Variants in JMJD1C observed in about 807,000 individuals in gnomAD.
The protein encoded by JMJD1C is jumonji domain-containing protein 1C.
JMJD1C carries 31 observed loss-of-function variants against 245.3 expected under a neutral mutation model. The observed-to-expected ratio is 0.13, with a 90% CI of 0.09 to 0.17. The LOEUF is 0.17. JMJD1C is among the 10% of genes least tolerant of loss of function. The pLI is 1.00. For missense variants in JMJD1C, 2,691 were observed against 3,000.2 expected, an observed-to-expected ratio of 0.90 and a Z score of 2.41; for synonymous variants, 1,057 against 1,017.4, an observed-to-expected ratio of 1.04 and a Z score of -0.74.
At chr10:63,375,534 A>ATG (rs1946665390) in intron 2 of JMJD1C, among the ~76,000 whole-genome samples, 1 of 57,060 alleles carries the variant, frequency 1.8e-5, no homozygotes, top group Non-Finnish European at 4.0e-5. Flanking sequence ...TAATATTTAC[A>ATG]CGTGTGTGTG....
chr10:63,248,521 A>AATAGATAGATAGATAG (rs141160908), intron 3 of JMJD1C, among the ~76,000 whole-genome samples: 150 of 134,592 alleles, frequency 1.1e-3, no homozygotes, highest in Middle Eastern at 0.011. Flanking sequence ...ACCTCATCTC[A>AATAGATAGATAGATAG]ATAGATAGAT....
At chr10:63,227,349 T>C (rs766947042) in intron 3 of JMJD1C, among the ~76,000 whole-genome samples, 60 of 152,280 alleles carry the variant, frequency 3.9e-4, no homozygotes, top group African/African-American at 1.2e-3. Context: ...ATGTCACACA[T>C]AGTCTCATTT....
chr10:63,501,024 AAT>A (rs200381189), intron 1 of JMJD1C, among the ~76,000 whole-genome samples: 1 of 518 alleles, frequency 1.9e-3, no homozygotes, highest in East Asian at 0.05. Context: ...CATAATTCCC[AAT>A]TCCTATGGAT....
intron 3 of JMJD1C, among the ~76,000 whole-genome samples, chr10:63,228,872 C>T (rs1326631020): frequency 6.6e-6 from 1 of 152,076 alleles, no homozygotes; most frequent in Non-Finnish European, 1.5e-5. Context: ...CTGGACAATG[C>T]TTAGCCTTCC....
intron 1 of JMJD1C, among the ~76,000 whole-genome samples, chr10:63,422,612 C>T (rs1950187707): frequency 6.6e-6 from 1 of 152,184 alleles, no homozygotes; most frequent in African/African-American, 2.4e-5. Context: ...TGTAGACCCA[C>T]TCAATGAACA....
At chr10:63,174,044 A>G (rs1842645640) in intron 24 of JMJD1C, among the ~76,000 whole-genome samples, 1 of 152,196 alleles carries the variant, frequency 6.6e-6, no homozygotes, top group Non-Finnish European at 1.5e-5. Context: ...AGTAACAAGC[A>G]CTAGTGAGGA....
intron 3 of JMJD1C, among the ~76,000 whole-genome samples, chr10:63,233,093 C>A (rs562348947): frequency 6.6e-6 from 1 of 152,120 alleles, no homozygotes; most frequent in African/African-American, 2.4e-5. Flanking sequence ...AAAAGTGACT[C>A]TGACCTGAAG....
chr10:63,511,690 C>G (rs1455802789), intron 1 of JMJD1C, among the ~76,000 whole-genome samples: 1 of 151,804 alleles, frequency 6.6e-6, no homozygotes, highest in Non-Finnish European at 1.5e-5. Context: ...GCACTCCAGC[C>G]TGGGTGACAG....
At chr10:63,239,000 A>G (rs1362777685) in intron 3 of JMJD1C, among the ~76,000 whole-genome samples, 1 of 152,188 alleles carries the variant, frequency 6.6e-6, no homozygotes, top group Non-Finnish European at 1.5e-5. Flanking sequence ...AAGGTGAGAC[A>G]AAATGGGTTG....
At chr10:63,308,049 G>A (rs1187745783) in intron 2 of JMJD1C, among the ~76,000 whole-genome samples, 1 of 152,052 alleles carries the variant, frequency 6.6e-6, no homozygotes, top group East Asian at 1.9e-4. Context: ...ACCTACTCAG[G>A]AGACTGACGC....
intron 11 of JMJD1C, among the ~76,000 whole-genome samples, chr10:63,199,739 A>G (rs1416833727): frequency 6.6e-6 from 1 of 152,172 alleles, no homozygotes; most frequent in African/African-American, 2.4e-5. Flanking sequence ...AGGAAGAAAG[A>G]GAACCTGGTT....
chr10:63,430,479 T>G (rs1051160460), intron 1 of JMJD1C, among the ~76,000 whole-genome samples: 4 of 152,184 alleles, frequency 2.6e-5, no homozygotes, highest in Admixed American at 6.5e-5. Flanking sequence ...GAAAGAAAGC[T>G]AGATGCAAAA....
chr10:63,503,352 C>G (rs2133257364), intron 1 of JMJD1C, among the ~76,000 whole-genome samples: 1 of 152,204 alleles, frequency 6.6e-6, no homozygotes, highest in Middle Eastern at 3.4e-3. Context: ...TTGCTAAAAA[C>G]TGGGAGACAA....
chr10:63,500,746 AGGATGGATGGATGGAT>A (rs780486083), intron 1 of JMJD1C, among the ~76,000 whole-genome samples: 14 of 112,210 alleles, frequency 1.2e-4, no homozygotes, highest in South Asian at 3.2e-4. Flanking sequence ...GATGGATGGA[AGGATGGATGGATGGAT>A]GGATGGATGG....
chr10:63,412,360 T>C (rs1949537610), intron 1 of JMJD1C, among the ~76,000 whole-genome samples: 2 of 152,254 alleles, frequency 1.3e-5, no homozygotes, highest in African/African-American at 4.8e-5. Flanking sequence ...CCTAAATTTC[T>C]GTTCTATGGT....
chr10:63,409,023 T>C (rs973488713), intron 1 of JMJD1C, among the ~76,000 whole-genome samples: 4 of 152,194 alleles, frequency 2.6e-5, no homozygotes, highest in Non-Finnish European at 4.4e-5. Flanking sequence ...AATAGTATTT[T>C]CCAAGAAATT....
intron 1 of JMJD1C, among the ~76,000 whole-genome samples, chr10:63,511,774 C>G (rs986583794): frequency 1.3e-5 from 2 of 151,916 alleles, no homozygotes; most frequent in African/African-American, 2.4e-5. Flanking sequence ...ATATGTAGCA[C>G]CAACGTTTTG....
Position 63,186,375 on chromosome 10 carries a change from C to G in JMJD1C, c.6579G>C (p.Val2193=), listed in dbSNP as rs983510485. 20 of 1,605,034 alleles carry G rather than the reference C, an allele frequency of 1.2e-5. No individual in the cohort carries two copies. The highest frequency in any genetic ancestry group is 1.6e-5 in the Non-Finnish European group (19 of 1,175,976). The part of the protein sequence containing the change: ...KECWKQGQPA[V]VSGVHKKMNI... Reference sequence around the variant, plus strand: ...TCATTTTCTTATGCACACCAGAAACCACTGCAGGCTTATAAATAGATAAAT... The same window carrying G: ...TCATTTTCTTATGCACACCAGAAACGACTGCAGGCTTATAAATAGATAAAT... Residue 2193 remains valine, a synonymous_variant, in exon 19 of 26, where the codon GTG becomes GTC. Coordinates refer to ENST00000399262, the MANE Select transcript of JMJD1C (RefSeq NM_032776.3).
intron 22 of JMJD1C, among the ~76,000 whole-genome samples, chr10:63,179,763 G>A (rs1283170472): frequency 7.6e-5 from 11 of 145,682 alleles, no homozygotes; most frequent in African/African-American, 2.5e-4. Context: ...ACAGAGCAAG[G>A]AGACCCTATC....
Sources: gnomAD v4.1 joint callset for allele counts (sites outside exome capture counted in the v4.1 genomes callset) on GRCh38, gnomAD v4.1.1 for gene constraint, MANE v1.5 for transcripts, NCBI Gene and HGNC (gene_info 2026-07-23, HGNC 2026-07-21) for gene names.